Variants in PACRG observed in about 807,000 individuals in gnomAD.
PACRG encodes parkin coregulated, also known as parkin coregulated gene protein.
Under a neutral mutation model 29.7 loss-of-function variants are expected in PACRG, and 29 were observed. The ratio of observed to expected loss-of-function variants is 0.98; its 90% CI spans 0.73 to 1.33. PACRG has a LOEUF of 1.33. Ranked by LOEUF, PACRG falls within the 40% of genes most tolerant of loss-of-function variation. The probability of loss-of-function intolerance (pLI) is 0.00; values close to 1 mark genes in which losing one functional copy is unlikely to be tolerated. For synonymous variants in PACRG, 116 were observed against 118.7 expected (o/e 0.98, Z 0.15); for missense variants, 279 against 316.2 (o/e 0.88, Z 0.89).
At chr6:162,824,205 A>C (rs576186683) in intron 2 of PACRG, among the ~76,000 whole-genome samples, 1 of 152,176 alleles carries the variant, frequency 6.6e-6, no homozygotes, top group African/African-American at 2.4e-5. Context: ...GGGTGAATGG[A>C]AGTGGATAGT....
At chr6:163,296,614 A>G (rs772123267) in intron 4 of PACRG, among the ~76,000 whole-genome samples, 1 of 152,170 alleles carries the variant, frequency 6.6e-6, no homozygotes, top group Non-Finnish European at 1.5e-5. Context: ...GACTTTTTAC[A>G]TGGAGAATGT....
At chr6:162,869,562 T>C (rs919245539) in intron 2 of PACRG, among the ~76,000 whole-genome samples, 4 of 152,188 alleles carry the variant, frequency 2.6e-5, no homozygotes, top group African/African-American at 9.6e-5. Flanking sequence ...GCTGTAGTTA[T>C]AAAAAGTCGT....
intron 1 of PACRG, among the ~76,000 whole-genome samples, chr6:162,753,656 T>A (rs1171966929): frequency 7.7e-6 from 1 of 129,870 alleles, no homozygotes; most frequent in Non-Finnish European, 1.9e-5. Flanking sequence ...AATTCGATCA[T>A]TCCCCCATGC....
chr6:162,884,786 C>G (rs9295204), intron 2 of PACRG, among the ~76,000 whole-genome samples: 105,984 of 151,940 alleles, frequency 0.7, 38,303 homozygotes, highest in African/African-American at 0.9. Context: ...TGTGTATTTT[C>G]CCAGCTCCCC....
chr6:163,099,712 T>C (rs1265265967), intron 4 of PACRG, among the ~76,000 whole-genome samples: 2 of 152,212 alleles, frequency 1.3e-5, no homozygotes, highest in Non-Finnish European at 2.9e-5. Flanking sequence ...ATTGTTATGC[T>C]GAATACCACT....
At chr6:163,171,357 T>C (rs1261445664) in intron 4 of PACRG, among the ~76,000 whole-genome samples, 1 of 152,234 alleles carries the variant, frequency 6.6e-6, no homozygotes, top group Non-Finnish European at 1.5e-5. Flanking sequence ...GACTGAGTGC[T>C]GACTGGGCAC....
chr6:162,743,554 G>T (rs910186015), intron 1 of PACRG, among the ~76,000 whole-genome samples: 2 of 151,840 alleles, frequency 1.3e-5, no homozygotes, highest in African/African-American at 4.8e-5. Flanking sequence ...TTCTTTGTAT[G>T]CTATCTCTCG....
At chr6:163,215,622 T>C (rs1459251945) in intron 4 of PACRG, among the ~76,000 whole-genome samples, 1 of 152,196 alleles carries the variant, frequency 6.6e-6, no homozygotes, top group East Asian at 1.9e-4. Context: ...ATCTTAGAGC[T>C]ATTTATGAGC....
intron 2 of PACRG, among the ~76,000 whole-genome samples, chr6:162,998,744 A>T (rs1234580439): frequency 1.3e-5 from 2 of 152,208 alleles, no homozygotes; most frequent in Non-Finnish European, 2.9e-5. Flanking sequence ...TTACCCCAAG[A>T]TTACATTAAA....
At chr6:163,117,434 G>A (rs1440850770) in intron 4 of PACRG, among the ~76,000 whole-genome samples, 1 of 152,180 alleles carries the variant, frequency 6.6e-6, no homozygotes, top group African/African-American at 2.4e-5. Context: ...GGTCATGAAA[G>A]GAGTGGAGGT....
Position 162,913,505 on chromosome 6 carries a change from G to A in PACRG, c.291+99224G>A, listed in dbSNP as rs757727937. Among the ~76,000 whole-genome samples, 3 of 152,240 alleles carry A rather than the reference G, an allele frequency of 2.0e-5. No homozygotes were observed. The East Asian group carries it at 5.8e-4, about 29-fold the overall frequency. On this transcript the variant is annotated intron_variant, in intron 2 of 4. Transcript: ENST00000366888. ...CAGTTTCAGGGATCTTAAACATAAA[G>A]CTACTAAAAGCATTCATGTACAATT...
intron 4 of PACRG, among the ~76,000 whole-genome samples, chr6:163,151,104 C>T (rs7758929): frequency 0.018 from 2,684 of 152,272 alleles, 88 homozygotes; most frequent in African/African-American, 0.061. Flanking sequence ...AAAATACCCA[C>T]TTTGCTTTAA....
At chr6:162,900,067 C>A (rs948022131) in intron 2 of PACRG, among the ~76,000 whole-genome samples, 2 of 151,930 alleles carry the variant, frequency 1.3e-5, no homozygotes, top group Non-Finnish European at 2.9e-5. Flanking sequence ...ATGGTCAGAC[C>A]GGAACATCGT....
chr6:163,220,694 T>C (rs1781550718), intron 4 of PACRG, among the ~76,000 whole-genome samples: 1 of 152,218 alleles, frequency 6.6e-6, no homozygotes, highest in South Asian at 2.1e-4. Context: ...ATTATGTTTT[T>C]TTAAGAGAGT....
intron 4 of PACRG, among the ~76,000 whole-genome samples, chr6:163,171,137 A>T (rs533073348): frequency 2.0e-5 from 3 of 152,348 alleles, no homozygotes; most frequent in Admixed American, 2.0e-4. Flanking sequence ...CATGCTGGCT[A>T]TATTATGAAT....
intron 2 of PACRG, among the ~76,000 whole-genome samples, chr6:162,914,091 T>A (rs1452450695): frequency 6.6e-6 from 1 of 152,190 alleles, no homozygotes; most frequent in Non-Finnish European, 1.5e-5. Flanking sequence ...CTTATCATTT[T>A]TTTCTTTTAT....
chr6:163,020,120 A>G (rs1676369661), intron 2 of PACRG, among the ~76,000 whole-genome samples: 1 of 152,260 alleles, frequency 6.6e-6, no homozygotes, highest in Non-Finnish European at 1.5e-5. Flanking sequence ...AATGTAAAGA[A>G]AACATAATAC....
chr6:162,848,629 G>A (rs1042812611), intron 2 of PACRG, among the ~76,000 whole-genome samples: 1 of 152,234 alleles, frequency 6.6e-6, no homozygotes, highest in African/African-American at 2.4e-5. Context: ...TTTTTATGAA[G>A]AAGAGGGAAC....
intron 4 of PACRG, among the ~76,000 whole-genome samples, chr6:163,162,348 C>T (rs542115554): frequency 2.6e-5 from 4 of 152,192 alleles, no homozygotes; most frequent in Admixed American, 6.5e-5. Context: ...CCTGGCTGCA[C>T]GTTGAAATCA....
Sources: gnomAD v4.1 joint callset for allele counts (sites outside exome capture counted in the v4.1 genomes callset) on GRCh38, gnomAD v4.1.1 for gene constraint, MANE v1.5 for transcripts, NCBI Gene and HGNC (gene_info 2026-07-23, HGNC 2026-07-21) for gene names.